The following WSCD1 variants were observed in gnomAD, a reference collection of about 807,000 sequenced individuals.
The protein encoded by WSCD1 is sialate:O-sulfotransferase 1.
Under a neutral mutation model 60.4 loss-of-function variants are expected in WSCD1, and 41 were observed. The ratio of observed to expected loss-of-function variants is 0.68; its 90% CI spans 0.53 to 0.88. WSCD1 has a LOEUF of 0.88. WSCD1 is among the 40% of genes least tolerant of loss of function. WSCD1 has a pLI of 0.00. For missense variants in WSCD1, 784 were observed against 796.2 expected, an observed-to-expected ratio of 0.98 and a Z score of 0.18; for synonymous variants, 361 against 332.5, an observed-to-expected ratio of 1.09 and a Z score of -0.93.
chr17:6,069,408 TGTGTGTGTGTGTGTGTGTGTGAGAGAGA>T (rs1235109183), upstream of WSCD1: 367 of 322,100 alleles, frequency 1.1e-3, no homozygotes, highest in African/African-American at 9.5e-3. Context: ...TGTGTGTGTG[TGTGTGTGTGTGTGTGTGTGTGAGAGAGA>T]GAGAGAGAGA....
chr17:6,079,593 T>C lies in WSCD1; in HGVS notation c.-288-778T>C, dbSNP rs1290749382. ...CTACCCTGGTCCTTTGATTCTGGCC[T>C]CTGGAGTCCAGGAGGCCTGGGAAGG... On this transcript the variant is annotated intron_variant, in intron 1 of 8. Coordinates refer to ENST00000317744, the MANE Select transcript of WSCD1 (RefSeq NM_015253.2). Among the ~76,000 whole-genome samples, 2 of 152,184 alleles carry C rather than the reference T, an allele frequency of 1.3e-5. 1 individual carries two copies. The highest frequency in any genetic ancestry group is 4.1e-4 in the South Asian group (2 of 4,832).
At chr17:6,106,346 G>T (rs1291956482) in intron 5 of WSCD1, among the ~76,000 whole-genome samples, 2 of 152,178 alleles carry the variant, frequency 1.3e-5, no homozygotes, top group African/African-American at 2.4e-5. Context: ...TAAAAACCGG[G>T]AACAGCCCAG....
rs1181718993 is a variant in WSCD1, at chr17:6,117,978, T to C, written c.1175-10T>C. ...ATCTTCCACAGAGACCCTCTCATTTTTCCCTGCAGGGTTCAAGGGCGAAAA... is the reference window on the plus strand; with the variant it reads ...ATCTTCCACAGAGACCCTCTCATTTCTCCCTGCAGGGTTCAAGGGCGAAAA... On this transcript the variant is annotated splice_polypyrimidine_tract_variant and intron_variant, in intron 7 of 8. Coordinates refer to ENST00000317744, the MANE Select transcript of WSCD1 (RefSeq NM_015253.2). The C allele has an allele frequency of 6.2e-7, 1 of 1,613,050 alleles. No homozygotes were observed. Among genetic ancestry groups the C allele is most frequent in the South Asian group, 1.1e-5 (1 of 91,034 alleles).
intron 5 of WSCD1, among the ~76,000 whole-genome samples, chr17:6,100,664 G>C (rs1403494948): frequency 3.9e-5 from 6 of 152,150 alleles, no homozygotes; most frequent in Non-Finnish European, 8.8e-5. Flanking sequence ...CTCATGTTGG[G>C]ATCTGTCTGT....
Position 6,120,757 on chromosome 17 carries a change from G to A in WSCD1, c.*96G>A, listed in dbSNP as rs976158247. On this transcript the variant is annotated 3_prime_UTR_variant, in exon 9 of 9. Coordinates refer to ENST00000317744, the MANE Select transcript of WSCD1 (RefSeq NM_015253.2). ...ATGCTCAGGCCCGTGGCCTCACTGG[G>A]ACGAACGGTGGGTGGGGGGCTCACC... 7.5e-7 allele frequency: 1 copy of A among 1,328,716 alleles called. No individual in the cohort carries two copies. The allele number at this position is 1,328,716 out of a possible 1,614,324, so 82.3% of individuals were successfully genotyped here.
intron 5 of WSCD1, among the ~76,000 whole-genome samples, chr17:6,105,938 C>G (rs892187121): frequency 6.6e-6 from 1 of 152,166 alleles, no homozygotes; most frequent in Non-Finnish European, 1.5e-5. Context: ...TGCAGTTAAC[C>G]CAATGACCAG....
chr17:6,070,871 G>T (rs1908497187), intron 1 of WSCD1, among the ~76,000 whole-genome samples: 1 of 150,868 alleles, frequency 6.6e-6, no homozygotes, highest in African/African-American at 2.4e-5. Flanking sequence ...TGCAGGGGTT[G>T]TGGGGGGGCG....
chr17:6,112,152 C>A (rs752547642), intron 7 of WSCD1, among the ~76,000 whole-genome samples: 2 of 152,008 alleles, frequency 1.3e-5, no homozygotes, highest in Non-Finnish European at 2.9e-5. Context: ...AACCTAATGA[C>A]GTACCTCAAG....
chr17:6,085,876 G>C (rs997898221), intron 2 of WSCD1, among the ~76,000 whole-genome samples: 2 of 152,194 alleles, frequency 1.3e-5, no homozygotes, highest in African/African-American at 4.8e-5. Context: ...GCAGTGGTCC[G>C]TGCTGGTGGC....
At position 6,120,532 on chromosome 17, in the gene WSCD1, G is replaced by A; in HGVS notation, c.1599G>A (p.Arg533=). 1.2e-6 allele frequency: 2 copies of A among 1,613,738 alleles called. No individual in the cohort carries two copies. Among genetic ancestry groups the A allele is most frequent in the Non-Finnish European group, 1.7e-6 (2 of 1,179,992 alleles). The part of the protein sequence containing the change: ...NKEGSFRRRG[R]RSHDPEPFTP... ...AGGGCAGCTTCCGGCGGCGCGGCCGGCGCTCCCACGACCCTGAGCCCTTCA... is the reference window on the plus strand; with the variant it reads ...AGGGCAGCTTCCGGCGGCGCGGCCGACGCTCCCACGACCCTGAGCCCTTCA... Residue 533 remains arginine (R), a synonymous_variant, in exon 9 of 9, where the codon CGG becomes CGA. Coordinates refer to ENST00000317744, the MANE Select transcript of WSCD1 (RefSeq NM_015253.2).
chr17:6,079,272 C>T (rs965263883), intron 1 of WSCD1, among the ~76,000 whole-genome samples: 5 of 152,212 alleles, frequency 3.3e-5, no homozygotes, highest in Non-Finnish European at 5.9e-5. Context: ...GCGGGGGGCC[C>T]GGACCAAGTT....
At position 6,109,658 on chromosome 17, in the gene WSCD1, A is replaced by G. The variant is rs1248967000; in HGVS notation, c.901A>G (p.Thr301Ala). 1 of 1,613,294 alleles carries G rather than the reference A, an allele frequency of 6.2e-7. No individual in the cohort carries two copies. Among genetic ancestry groups the G allele is most frequent in the East Asian group, 2.2e-5 (1 of 44,842 alleles). The change falls in exon 6 of 9, where the codon ACC becomes GCC. Residue 301 changes from threonine (T) to alanine (A), a missense_variant. By Grantham distance (58) the Thr-to-Ala change is moderately conservative (BLOSUM62 0). Coordinates refer to ENST00000317744, the MANE Select transcript of WSCD1 (RefSeq NM_015253.2). ...CTGGGAATGCTACTGTGCTTACCCT[A>G]CCCCCCGGTTCAACCTGCGGGATGC... ...RGWECYCAYP[T>A]PRFNLRDAMD...
chr17:6,075,728 C>T lies in WSCD1; in HGVS notation c.-288-4643C>T, dbSNP rs1456634464. Among the ~76,000 whole-genome samples the T allele has an allele frequency of 1.3e-5, 2 of 152,168 alleles. No homozygotes were observed. The highest frequency in any genetic ancestry group is 2.9e-5 in the Non-Finnish European group (2 of 68,040). On this transcript the variant is annotated intron_variant, in intron 1 of 8. Coordinates refer to ENST00000317744, the MANE Select transcript of WSCD1 (RefSeq NM_015253.2). This position sits in a 1 kb window ranked among gnomAD's most constrained non-coding sequence, Gnocchi z 4.1. ...AGTGGGTGTGCACCTTTGTCCAGCC[C>T]TGGCGTGCCCCCTCTACCCCCAATA...
intron 4 of WSCD1, 72 bp from the exon 5 acceptor site, chr17:6,095,030 G>A (rs1910327593): frequency 1.3e-6 from 2 of 1,553,820 alleles, no homozygotes; most frequent in East Asian, 2.3e-5. Flanking sequence ...CCTAAAGCCA[G>A]CATTTTCCCT....
intron 5 of WSCD1, among the ~76,000 whole-genome samples, chr17:6,097,123 CTT>C (rs1305822620): frequency 6.6e-6 from 1 of 152,248 alleles, no homozygotes; most frequent in Non-Finnish European, 1.5e-5. Context: ...GAGCGGCCGG[CTT>C]TGCAGCCCTT....
At chr17:6,086,386 A>C (rs1265160105) in intron 2 of WSCD1, among the ~76,000 whole-genome samples, 1 of 151,404 alleles carries the variant, frequency 6.6e-6, no homozygotes, top group African/African-American at 2.4e-5. Context: ...CCCAGGCTGG[A>C]GTGCAGTGGC....
intron 7 of WSCD1, among the ~76,000 whole-genome samples, chr17:6,116,562 T>TA (rs1911694214): frequency 6.6e-6 from 1 of 152,222 alleles, no homozygotes; most frequent in Non-Finnish European, 1.5e-5. Context: ...TCAGGGTTGT[T>TA]AAAGACTAGA....
At chr17:6,111,463 G>A (rs1033967564) in intron 7 of WSCD1, among the ~76,000 whole-genome samples, 3 of 152,308 alleles carry the variant, frequency 2.0e-5, no homozygotes, top group African/African-American at 4.8e-5. Flanking sequence ...CACTTTGGGA[G>A]GCTGAGGTGG....
At position 6,120,332 on chromosome 17, in the gene WSCD1, T is replaced by G. The variant is rs1172150989; in HGVS notation, c.1399T>G (p.Tyr467Asp). The part of the protein sequence containing the change: ...SKEWPDFVNS[Y>D]ASWWSSHVLD... The stretch of plus-strand genomic sequence containing the variant: ...AGAGTGGCCGGACTTTGTCAACAGC[T>G]ACGCCTCGTGGTGGTCCTCGCACGT... The change falls in exon 9 of 9, where the codon TAC becomes GAC. Residue 467 changes from tyrosine (Y) to aspartate (D), a missense_variant. Coordinates refer to ENST00000317744, the MANE Select transcript of WSCD1 (RefSeq NM_015253.2). The G allele has an allele frequency of 5.0e-6, 8 of 1,613,800 alleles. No homozygotes were observed. The highest frequency in any genetic ancestry group is 6.8e-6 in the Non-Finnish European group (8 of 1,179,922).
Sources: gnomAD v4.1 joint callset for allele counts (sites outside exome capture counted in the v4.1 genomes callset) on GRCh38, gnomAD v4.1.1 for gene constraint, Gnocchi (gnomAD v3.1) non-coding constraint, MANE v1.5 for transcripts, NCBI Gene and HGNC (gene_info 2026-07-23, HGNC 2026-07-21) for gene names.